The following DOCK10 variants were observed in gnomAD, a reference collection of about 807,000 sequenced individuals.
The protein encoded by DOCK10 is dedicator of cytokinesis protein 10.
In DOCK10, 145 loss-of-function variants were observed where a neutral mutation model predicts 280.1. The ratio of observed to expected loss-of-function variants is 0.52; its 90% CI spans 0.45 to 0.59. DOCK10 has a LOEUF of 0.59. DOCK10 is among the 20% of genes least tolerant of loss of function. The pLI is 0.00. For missense variants in DOCK10, 2,368 were observed against 2,651.7 expected (o/e 0.89, Z 2.35); for synonymous variants, 915 against 942.2 (o/e 0.97, Z 0.53).
In DOCK10 at chr2:224,931,530, T is replaced by A. The variant is rs1415959504; in HGVS notation, c.243+19A>T. The A allele has an allele frequency of 6.3e-7, 1 of 1,592,890 alleles. No homozygotes were observed. The highest frequency in any genetic ancestry group is 8.6e-7 in the Non-Finnish European group (1 of 1,168,684). ...TAGGGCCCTCCTGAATCTAAATGGC[T>A]TGAGAAGAGAAGACTTACTGAAAAG... On this transcript the variant is annotated intron_variant, in intron 2 of 55. Transcript: ENST00000258390.
intron 2 of DOCK10, among the ~76,000 whole-genome samples, chr2:224,921,112 A>AAATATATATATAT: frequency 1.8e-5 from 1 of 54,414 alleles, no homozygotes; most frequent in African/African-American, 1.6e-4. Context: ...AAAAAAAAAA[A>AAATATATATATAT]ATATATATAT....
Position 224,921,747 on chromosome 2 carries a change from C to T in DOCK10, c.244-4963G>A, listed in dbSNP as rs535135595. Reference sequence around the variant, plus strand: ...AGAGAATACATGTATGATGTATGCCCATAACGTGCTATTGATCTTAGTTGT... The same window carrying T: ...AGAGAATACATGTATGATGTATGCCTATAACGTGCTATTGATCTTAGTTGT... On this transcript the variant is annotated intron_variant, in intron 2 of 55. Transcript: ENST00000258390. Among the ~76,000 whole-genome samples, 4 of 152,208 alleles carry T rather than the reference C, an allele frequency of 2.6e-5. No homozygotes were observed. The South Asian group carries it at 8.3e-4, about 32-fold the overall frequency.
At chr2:224,816,493 T>C (rs1694145142) in intron 30 of DOCK10, 124 bp downstream of exon 30, 3 of 676,602 alleles carry the variant, frequency 4.4e-6, no homozygotes, top group Admixed American at 2.8e-5. Flanking sequence ...CTGATACCCA[T>C]GTGACAGCTT....
intron 4 of DOCK10, among the ~76,000 whole-genome samples, chr2:224,891,623 G>A (rs945971854): frequency 2.0e-5 from 3 of 152,092 alleles, no homozygotes; most frequent in Non-Finnish European, 2.9e-5. Flanking sequence ...GAAGATATGA[G>A]ACAGAGAATA....
intron 30 of DOCK10, among the ~76,000 whole-genome samples, chr2:224,814,741 C>A (rs975567056): frequency 1.3e-5 from 2 of 152,138 alleles, no homozygotes; most frequent in Non-Finnish European, 2.9e-5. Context: ...AGGCTGGTCT[C>A]AAACTCCTGA....
chr2:224,776,136 G>A (rs558520397), intron 51 of DOCK10, among the ~76,000 whole-genome samples: 17 of 152,098 alleles, frequency 1.1e-4, no homozygotes, highest in Non-Finnish European at 2.2e-4. Context: ...TGGAAGAGCT[G>A]GAGTTCTCAG....
rs1265012605 is a variant in DOCK10, at chr2:224,814,203, T to G, written c.3409+117A>C. 41 of 487,992 alleles carry G rather than the reference T, an allele frequency of 8.4e-5. No individual in the cohort carries two copies. In the East Asian group the frequency reaches 1.5e-3, roughly 17 times the overall value. The allele number at this position is 487,992 out of a possible 1,614,324, so 30.2% of individuals were successfully genotyped here. A position where few individuals can be genotyped will look rare whatever the true frequency, so the allele number is the denominator to read the frequency against. ...TCAGTCAACTTTTTGAATATTTTTA[T>G]CATATGATATTAAATATGTGAATAT... On this transcript the variant is annotated intron_variant, in intron 31 of 55. Coordinates refer to ENST00000258390, the MANE Select transcript of DOCK10 (RefSeq NM_014689.3).
intron 3 of DOCK10, among the ~76,000 whole-genome samples, chr2:224,907,681 C>G (rs1700736575): frequency 1.0e-5 from 1 of 97,154 alleles, no homozygotes; most frequent in Admixed American, 1.0e-4. Flanking sequence ...GAGCGAGACT[C>G]CACCTCAAAA....
At chr2:225,020,994 G>A (rs1689770268) in intron 1 of DOCK10, among the ~76,000 whole-genome samples, 1 of 152,164 alleles carries the variant, frequency 6.6e-6, no homozygotes, top group Non-Finnish European at 1.5e-5. Context: ...CACTTTGGGG[G>A]CCAGTTGACA....
chr2:224,807,707 C>T lies in DOCK10; in HGVS notation c.3663G>A (p.Leu1221=). The T allele has an allele frequency of 6.4e-7, 1 of 1,571,752 alleles. No individual in the cohort carries two copies. The highest frequency in any genetic ancestry group is 1.9e-5 in the Admixed American group (1 of 53,784). ...MLLDNMPRIY[L]KDLYPFTVNT... The stretch of plus-strand genomic sequence containing the variant: ...TGACAGTAAAAGGATACAGGTCCTT[C>T]AGATAAATCCTTGGCATATTGTCCA... Residue 1221 remains leucine, a synonymous_variant, in exon 33 of 56, where the codon CTG becomes CTA. Coordinates refer to ENST00000258390, the MANE Select transcript of DOCK10 (RefSeq NM_014689.3).
At chr2:224,902,991 G>A (rs34376275) in intron 3 of DOCK10, among the ~76,000 whole-genome samples, 6 of 145,250 alleles carry the variant, frequency 4.1e-5, no homozygotes, top group African/African-American at 1.7e-4. Context: ...CCAGCTACTC[G>A]GGAGGCTGAG....
Position 224,886,458 on chromosome 2 carries a change from C to A in DOCK10, c.489+1G>T. 1.2e-6 allele frequency: 2 copies of A among 1,609,278 alleles called. No individual in the cohort carries two copies. Among genetic ancestry groups the A allele is most frequent in the Non-Finnish European group, 1.7e-6 (2 of 1,177,026 alleles). The stretch of plus-strand genomic sequence containing the variant: ...CATCTCACTTTCAACTATTTACTTA[C>A]TTCATCCTTATCAGCATCTTCATGG... On this transcript the variant is annotated splice_donor_variant, in intron 5 of 55. Transcript: ENST00000258390. LOFTEE classifies it high-confidence loss of function.
chr2:224,812,928 G>A (rs1330240521), intron 31 of DOCK10, among the ~76,000 whole-genome samples: 1 of 152,060 alleles, frequency 6.6e-6, no homozygotes, highest in Non-Finnish European at 1.5e-5. Context: ...TGTTCATCAA[G>A]GATATTGGTC....
chr2:224,800,362 C>A lies in DOCK10; in HGVS notation c.4394-99G>T, dbSNP rs149052689. 249 of 593,152 alleles carry A rather than the reference C, an allele frequency of 4.2e-4. 4 individuals carry two copies. The highest frequency in any genetic ancestry group is 3.7e-3 in the African/African-American group (200 of 54,086). 36.7% of individuals were successfully genotyped at this position (593,152 alleles called of 1,614,324 possible). ...TTACAATATATTCAAAGTTTGCTGGCATTTTGATTAATAATTTATTAAATC... is the reference window on the plus strand; with the variant it reads ...TTACAATATATTCAAAGTTTGCTGGAATTTTGATTAATAATTTATTAAATC... On this transcript the variant is annotated intron_variant, in intron 40 of 55. Coordinates refer to ENST00000258390, the MANE Select transcript of DOCK10 (RefSeq NM_014689.3).
chr2:224,909,066 C>T (rs1700846102), intron 3 of DOCK10, among the ~76,000 whole-genome samples: 1 of 152,214 alleles, frequency 6.6e-6, no homozygotes. Context: ...TTTGCTCCCT[C>T]ATCTCCTTTT....
chr2:225,007,342 G>A (rs1689302248), intron 1 of DOCK10, among the ~76,000 whole-genome samples: 1 of 152,118 alleles, frequency 6.6e-6, no homozygotes, highest in South Asian at 2.1e-4. Flanking sequence ...TTAGATGCAT[G>A]CATAAATAAA....
At chr2:224,908,130 C>G (rs1233871964) in intron 3 of DOCK10, among the ~76,000 whole-genome samples, 4 of 149,734 alleles carry the variant, frequency 2.7e-5, no homozygotes, top group Non-Finnish European at 4.4e-5. Flanking sequence ...CGTTCTGTGC[C>G]TACATAAAGT....
chr2:224,793,496 A>C, intron 45 of DOCK10, 39 bp from the exon 46 acceptor site: 1 of 1,534,034 alleles, frequency 6.5e-7, no homozygotes, highest in Non-Finnish European at 9.0e-7. Context: ...CAGGGGATGG[A>C]GTTTAATATA....
chr2:224,775,961 T>C (rs991453637), intron 51 of DOCK10, among the ~76,000 whole-genome samples: 8 of 152,206 alleles, frequency 5.3e-5, no homozygotes, highest in African/African-American at 1.4e-4. Flanking sequence ...CAAAATTTTA[T>C]AGTTTTAAGG....
Sources: gnomAD v4.1 joint callset for allele counts (sites outside exome capture counted in the v4.1 genomes callset) on GRCh38, gnomAD v4.1.1 for gene constraint, MANE v1.5 for transcripts, NCBI Gene and HGNC (gene_info 2026-07-23, HGNC 2026-07-21) for gene names.